The following CR1 variants were observed in gnomAD, a reference collection of about 807,000 sequenced individuals.
CR1 encodes the protein complement receptor type 1.
Under a neutral mutation model 187.3 loss-of-function variants are expected in CR1, and 116 were observed. That is an observed-to-expected ratio of 0.62 (90% CI 0.53 to 0.72). The LOEUF is 0.72. Among genes scored for constraint, CR1 ranks in the 30% least tolerant of loss-of-function variants. The pLI is 0.00. For missense variants in CR1, 1,731 were observed against 2,110.7 expected (o/e 0.82, Z 3.52); for synonymous variants, 576 against 747.1 (o/e 0.77, Z 3.73).
At position 207,641,659 on chromosome 1, in the gene CR1, T is replaced by C. The variant is rs1406174057; in HGVS notation, c.*2250T>C. ...TAACATTCTTTGTTTTGTTTGCTTT[T>C]TTGGCACACTTAAGTGTGTACTATG... On this transcript the variant is annotated 3_prime_UTR_variant, in exon 47 of 47. Coordinates refer to ENST00000367049, the MANE Select transcript of CR1 (RefSeq NM_000651.6). 6.6e-6 allele frequency: 1 copy of C among 152,218 alleles called. No homozygotes were observed. Among genetic ancestry groups the C allele is most frequent in the Admixed American group, 6.5e-5 (1 of 15,286 alleles). The allele number at this position is 152,218 out of a possible 1,614,324, so 9.4% of individuals were successfully genotyped here. A position where few individuals can be genotyped will look rare whatever the true frequency, so the allele number is the denominator to read the frequency against.
chr1:207,607,600 A>G (rs900641100), intron 36 of CR1, among the ~76,000 whole-genome samples: 3 of 152,158 alleles, frequency 2.0e-5, no homozygotes, highest in Non-Finnish European at 4.4e-5. Context: ...GTCCTTAATG[A>G]GTACATTTTA....
At chr1:207,504,202 A>C (rs1325151959) in intron 1 of CR1, among the ~76,000 whole-genome samples, 1 of 152,172 alleles carries the variant, frequency 6.6e-6, no homozygotes. Flanking sequence ...ATGTCCCCCA[A>C]AGATAAGTGG....
intron 29 of CR1, among the ~76,000 whole-genome samples, chr1:207,579,900 C>A (rs1660882347): frequency 6.6e-6 from 1 of 152,154 alleles, no homozygotes. Flanking sequence ...TATGACTGTA[C>A]TTTAGTCATT....
chr1:207,623,546 T>C (rs1296387374), intron 45 of CR1, among the ~76,000 whole-genome samples: 2 of 149,220 alleles, frequency 1.3e-5, no homozygotes, highest in Admixed American at 6.7e-5. Flanking sequence ...GACTGTGCCA[T>C]TGCACACCAG....
At chr1:207,589,250 C>T (rs1044985948) in intron 35 of CR1, among the ~76,000 whole-genome samples, 2 of 152,138 alleles carry the variant, frequency 1.3e-5, no homozygotes, top group Non-Finnish European at 2.9e-5. Flanking sequence ...GGTTCTTGCT[C>T]TTGACTTCTC....
intron 5 of CR1, among the ~76,000 whole-genome samples, chr1:207,525,810 G>A (rs1319965966): frequency 6.6e-6 from 1 of 151,904 alleles, no homozygotes; most frequent in Non-Finnish European, 1.5e-5. Flanking sequence ...GGAAACACTG[G>A]GTGATGAGCC....
rs901966270 is a variant in CR1 at position 207,516,197 on chromosome 1, A to G, written c.487+4543A>G. Among the ~76,000 whole-genome samples the G allele has an allele frequency of 1.3e-5, 2 of 152,172 alleles. 1 individual carries two copies. The highest frequency in any genetic ancestry group is 2.9e-5 in the Non-Finnish European group (2 of 68,014). On this transcript the variant is annotated intron_variant, in intron 4 of 46. Transcript: ENST00000367049. ...TGATGGTGCCACTGCACTCCAGCCTAGGTGACAAAGCCCTGTTTCTTATGG... is the reference window on the plus strand; with the variant it reads ...TGATGGTGCCACTGCACTCCAGCCTGGGTGACAAAGCCCTGTTTCTTATGG...
At chr1:207,636,940 A>T (rs1164679405) in intron 46 of CR1, among the ~76,000 whole-genome samples, 1 of 152,212 alleles carries the variant, frequency 6.6e-6, no homozygotes, top group Non-Finnish European at 1.5e-5. Flanking sequence ...TGGTTTAATA[A>T]CTATATTTCC....
intron 4 of CR1, among the ~76,000 whole-genome samples, chr1:207,514,203 A>AT (rs1659714092): frequency 6.6e-6 from 1 of 152,224 alleles, no homozygotes; most frequent in South Asian, 2.1e-4. Context: ...CAGTCATAAT[A>AT]TTTAATCATT....
At chr1:207,505,792 C>A in intron 1 of CR1, 112 bp from the exon 2 acceptor site, 3 of 1,196,044 alleles carry the variant, frequency 2.5e-6, no homozygotes, top group Non-Finnish European at 3.5e-6. Flanking sequence ...GCCAAGATAG[C>A]GCCACTGCAC....
At chr1:207,626,812 TG>T (rs754973023) in intron 45 of CR1, among the ~76,000 whole-genome samples, 5 of 151,896 alleles carry the variant, frequency 3.3e-5, no homozygotes, top group Admixed American at 2.6e-4. Flanking sequence ...CTGAGGCGGG[TG>T]GGTCACCTGA....
chr1:207,625,436 GT>G (rs1189072093), intron 45 of CR1, among the ~76,000 whole-genome samples: 3 of 152,182 alleles, frequency 2.0e-5, no homozygotes, highest in African/African-American at 7.2e-5. Context: ...ATCCAGGAAA[GT>G]TTTTAAACAT....
chr1:207,630,724 C>T (rs1174621868), intron 46 of CR1, 103 bp downstream of exon 46: 2 of 655,602 alleles, frequency 3.1e-6, no homozygotes, highest in African/African-American at 1.9e-5. Flanking sequence ...TCATTGATAC[C>T]AAAGAATTTA....
intron 4 of CR1, among the ~76,000 whole-genome samples, chr1:207,515,181 A>G (rs1342192070): frequency 3.7e-5 from 3 of 81,886 alleles, no homozygotes; most frequent in African/African-American, 1.2e-4. Flanking sequence ...GTATATACAT[A>G]TATACGTATA....
At chr1:207,575,932 C>T (rs536095032) in intron 28 of CR1, among the ~76,000 whole-genome samples, 2 of 152,244 alleles carry the variant, frequency 1.3e-5, no homozygotes, top group South Asian at 4.1e-4. Context: ...CCCCAATGTC[C>T]TCTTCTGTTG....
chr1:207,630,710 T>C (rs1178957165), intron 46 of CR1, 89 bp downstream of exon 46: 2 of 809,522 alleles, frequency 2.5e-6, no homozygotes, highest in East Asian at 6.1e-5. Context: ...TTGCACTAGG[T>C]AGGTCATTGA....
In CR1 at chr1:207,580,167, G is replaced by T. The variant is rs1660888149; in HGVS notation, c.4937-73G>T. On this transcript the variant is annotated intron_variant, in intron 29 of 46. Transcript: ENST00000367049. ...GGTTCTATTTCTCTACCTCTGACTA[G>T]CTATGAGGTCTTCAGGAAGCATAGG... is the stretch of plus-strand genomic sequence containing the variant. The T allele has an allele frequency of 1.9e-6, 3 of 1,574,350 alleles. No individual in the cohort carries two copies. In the African/African-American group the frequency reaches 4.0e-5, roughly 21 times the overall value.
At chr1:207,612,620 A>G (rs1487205707) in intron 39 of CR1, among the ~76,000 whole-genome samples, 2 of 152,248 alleles carry the variant, frequency 1.3e-5, no homozygotes, top group East Asian at 3.9e-4. Context: ...GCCCAGGCTC[A>G]CCGCAGGAAA....
At position 207,506,831 on chromosome 1, in the gene CR1, G is replaced by A; in HGVS notation, c.401+18G>A. The A allele has an allele frequency of 6.3e-7, 1 of 1,587,558 alleles. No individual in the cohort carries two copies. Among genetic ancestry groups the A allele is most frequent in the Non-Finnish European group, 8.6e-7 (1 of 1,156,990 alleles). On this transcript the variant is annotated intron_variant, in intron 3 of 46. Transcript: ENST00000367049. ...ACTAAAGGGTGAGTTGGCATCTCTTGAACCAACATCTCTTGGTTCAAGAGT... is the reference window on the plus strand; with the variant it reads ...ACTAAAGGGTGAGTTGGCATCTCTTAAACCAACATCTCTTGGTTCAAGAGT...
Sources: gnomAD v4.1 joint callset for allele counts (sites outside exome capture counted in the v4.1 genomes callset) on GRCh38, gnomAD v4.1.1 for gene constraint, MANE v1.5 for transcripts, NCBI Gene and HGNC (gene_info 2026-07-23, HGNC 2026-07-21) for gene names.